The following VXN variants were observed in gnomAD, a reference collection of about 807,000 sequenced individuals.
VXN encodes the protein uncharacterized protein C8orf46.
A neutral mutation model predicts 23.1 loss-of-function variants in VXN; 7 were observed. The observed-to-expected ratio is 0.30, with a 90% CI of 0.17 to 0.57. VXN has a LOEUF of 0.57. VXN is among the 20% of genes least tolerant of loss of function. VXN has a pLI of 0.91. For synonymous variants in VXN, 120 were observed against 105.8 expected (o/e 1.13, Z -0.83); for missense variants, 238 against 272.6 (o/e 0.87, Z 0.89).
chr8:66,513,635 A>C lies in VXN; in HGVS notation c.438A>C (p.Arg146Ser). 6.2e-7 allele frequency: 1 copy of C among 1,613,718 alleles called. No homozygotes were observed. ...MGTEKGAVLM[R>S]GSRHLKKMTE... ...CAGAGAAGGGAGCTGTTCTGATGAG[A>C]GGGTAAGTGCTGCGTCTCTGGCCCC... The change falls in exon 5 of 6, where the codon AGA becomes AGC. Residue 146 changes from arginine to serine, a missense_variant and splice_region_variant. This residue lies in a region of VXN where 223 missense variants were observed against 236.9 expected (regional missense o/e 0.94). Coordinates refer to ENST00000305454, the MANE Select transcript of VXN (RefSeq NM_152765.4).
chr8:66,505,294 G>A, intron 2 of VXN, 81 bp from the exon 3 acceptor site: 2 of 1,526,410 alleles, frequency 1.3e-6, no homozygotes, highest in Non-Finnish European at 1.8e-6. Context: ...AGCTCCATCT[G>A]CAAAGCTCCT....
chr8:66,507,974 T>C (rs1807778199), intron 3 of VXN, among the ~76,000 whole-genome samples: 1 of 152,104 alleles, frequency 6.6e-6, no homozygotes, highest in Non-Finnish European at 1.5e-5. Context: ...TTGTAGGAAC[T>C]CTAAATGCAG....
intron 3 of VXN, among the ~76,000 whole-genome samples, chr8:66,506,783 C>T (rs1341228185): frequency 1.3e-5 from 2 of 152,108 alleles, no homozygotes; most frequent in Non-Finnish European, 1.5e-5. Flanking sequence ...AGAACTCATA[C>T]ATCAAGCTAT....
At chr8:66,509,931 G>A (rs1314732808) in intron 3 of VXN, among the ~76,000 whole-genome samples, 165 bp from the exon 4 acceptor site, 1 of 152,168 alleles carries the variant, frequency 6.6e-6, no homozygotes, top group African/African-American at 2.4e-5. Context: ...AAGAGTGACA[G>A]TTGCCTTGTG....
In VXN at chr8:66,518,100, C is replaced by CA. The variant is rs1188564332; in HGVS notation, c.*2025dup. 8 of 152,378 alleles carry CA rather than the reference C, an allele frequency of 5.3e-5. No individual in the cohort carries two copies. The highest frequency in any genetic ancestry group is 1.9e-4 in the African/African-American group (8 of 41,586). 9.4% of individuals were successfully genotyped at this position (152,378 alleles called of 1,614,324 possible). A position where few individuals can be genotyped will look rare whatever the true frequency, so the allele number is the denominator to read the frequency against. On this transcript the variant is annotated 3_prime_UTR_variant, in exon 6 of 6. Coordinates refer to ENST00000305454, the MANE Select transcript of VXN (RefSeq NM_152765.4). The stretch of plus-strand genomic sequence containing the variant: ...ATCCCAGAGGACTGTTCAAAAGTCT[C>CA]ATTCAATAGAGATGTTGGAGTCCAG...
chr8:66,504,963 C>G (rs1261117562), intron 2 of VXN, among the ~76,000 whole-genome samples: 1 of 152,268 alleles, frequency 6.6e-6, no homozygotes, highest in African/African-American at 2.4e-5. Context: ...GTTGTCCACT[C>G]AGCTACAAAG....
chr8:66,495,746 G>C (rs1362954303), intron 1 of VXN, among the ~76,000 whole-genome samples: 1 of 151,770 alleles, frequency 6.6e-6, no homozygotes, highest in Non-Finnish European at 1.5e-5. Context: ...TTTTATAATT[G>C]TGGCAAAATA....
intron 2 of VXN, 40 bp from the exon 3 acceptor site, chr8:66,505,335 A>G (rs1339418906): frequency 6.4e-7 from 1 of 1,563,664 alleles, no homozygotes; most frequent in Admixed American, 1.9e-5. Context: ...CCTAGGCCCG[A>G]GCAGAGGAGT....
At chr8:66,499,331 C>T (rs1807664148) in intron 2 of VXN, among the ~76,000 whole-genome samples, 1 of 149,018 alleles carries the variant, frequency 6.7e-6, no homozygotes, top group African/African-American at 2.5e-5. Flanking sequence ...CCCCTGGGCT[C>T]AAGTGATCCT....
In VXN at chr8:66,513,644, G is replaced by C; in HGVS notation, c.440+7G>C. ...GAGCTGTTCTGATGAGAGGGTAAGT[G>C]CTGCGTCTCTGGCCCCACTGCCTGT... is the stretch of plus-strand genomic sequence containing the variant. On this transcript the variant is annotated splice_region_variant and intron_variant, in intron 5 of 5. Coordinates refer to ENST00000305454, the MANE Select transcript of VXN (RefSeq NM_152765.4). 6.2e-6 allele frequency: 10 copies of C among 1,612,446 alleles called. No individual in the cohort carries two copies. The highest frequency in any genetic ancestry group is 7.6e-6 in the Non-Finnish European group (9 of 1,178,584).
chr8:66,506,114 C>G (rs1191321558), intron 3 of VXN, among the ~76,000 whole-genome samples: 1 of 152,008 alleles, frequency 6.6e-6, no homozygotes, highest in Non-Finnish European at 1.5e-5. Context: ...ACAGGAGGCC[C>G]TACTGTATTC....
chr8:66,499,322 C>T (rs918590605), intron 2 of VXN, among the ~76,000 whole-genome samples: 1 of 149,614 alleles, frequency 6.7e-6, no homozygotes, highest in African/African-American at 2.5e-5. Flanking sequence ...AGTCTCAACC[C>T]CCTGGGCTCA....
chr8:66,505,308 C>T, intron 2 of VXN, 67 bp from the exon 3 acceptor site: 1 of 1,546,224 alleles, frequency 6.5e-7, no homozygotes, highest in Non-Finnish European at 8.8e-7. Flanking sequence ...AGCTCCTGCC[C>T]TGGGGTTCCA....
rs1021600051 is a variant in VXN, at chr8:66,505,176, T to C, written c.127-199T>C. ...CTTGCCCCATGGCACCATTTGGCAGTCTGAAGTCAAATAAAACAGTCACTT... is the reference window on the plus strand; with the variant it reads ...CTTGCCCCATGGCACCATTTGGCAGCCTGAAGTCAAATAAAACAGTCACTT... On this transcript the variant is annotated intron_variant, in intron 2 of 5. Transcript: ENST00000305454. The C allele has an allele frequency of 9.1e-6, 7 of 771,082 alleles. No individual in the cohort carries two copies. The African/African-American group carries it at 1.2e-4, about 13-fold the overall frequency. The allele number at this position is 771,082 out of a possible 1,614,324, so 47.8% of individuals were successfully genotyped here.
At position 66,507,705 on chromosome 8, in the gene VXN, G is replaced by T. The variant is rs1385830478; in HGVS notation, c.280+2177G>T. Among the ~76,000 whole-genome samples the T allele has an allele frequency of 2.1e-5, 3 of 145,094 alleles. No individual in the cohort carries two copies. The South Asian group carries it at 7.1e-4, about 34-fold the overall frequency. Reference sequence around the variant, plus strand: ...CTCATGCAGGAAATATGCCAGCGAGGTTTCAAAAAAAGAGAGAGAGAGAGA... The same window carrying T: ...CTCATGCAGGAAATATGCCAGCGAGTTTTCAAAAAAAGAGAGAGAGAGAGA... On this transcript the variant is annotated intron_variant, in intron 3 of 5. Transcript: ENST00000305454.
intron 1 of VXN, chr8:66,495,073 T>A (rs1807610905): frequency 6.6e-6 from 1 of 152,176 alleles, no homozygotes; most frequent in Admixed American, 6.5e-5. Context: ...CTATATATTG[T>A]TTATGGATAT....
At chr8:66,496,620 G>T in intron 2 of VXN, 128 bp downstream of exon 2, 1 of 816,920 alleles carries the variant, frequency 1.2e-6, no homozygotes. Flanking sequence ...TGTGGTGCGT[G>T]CTGCACTCTC....
intron 2 of VXN, 174 bp from the exon 3 acceptor site, chr8:66,505,201 T>G: frequency 1.1e-6 from 1 of 879,554 alleles, no homozygotes; most frequent in Non-Finnish European, 1.8e-6. Context: ...AACAGTCACT[T>G]CTGGCCGGTT....
At chr8:66,511,662 T>G (rs1172125021) in intron 4 of VXN, among the ~76,000 whole-genome samples, 1 of 152,164 alleles carries the variant, frequency 6.6e-6, no homozygotes, top group Non-Finnish European at 1.5e-5. Flanking sequence ...GCCCTTAAGC[T>G]GGCTTCAGAC....
Sources: gnomAD v4.1 joint callset for allele counts (sites outside exome capture counted in the v4.1 genomes callset) on GRCh38, gnomAD v4.1.1 for gene constraint, gnomAD v4.1.1 regional missense constraint, MANE v1.5 for transcripts, NCBI Gene and HGNC (gene_info 2026-07-23, HGNC 2026-07-21) for gene names.